Variants in CATSPERB observed in about 807,000 individuals in gnomAD.
CATSPERB encodes cation channel sperm-associated auxiliary subunit beta.
A neutral mutation model predicts 128.3 loss-of-function variants in CATSPERB; 93 were observed. The ratio of observed to expected loss-of-function variants is 0.72; its 90% CI spans 0.61 to 0.86. CATSPERB has a LOEUF of 0.86. Among genes scored for constraint, CATSPERB ranks in the 40% least tolerant of loss-of-function variants. CATSPERB has a pLI of 0.00. For synonymous variants in CATSPERB, 381 were observed against 448.8 expected (o/e 0.85, Z 1.91); for missense variants, 1,153 against 1,329.5 (o/e 0.87, Z 2.06).
At chr14:91,624,745 A>T (rs1264254555) in intron 18 of CATSPERB, 75 bp downstream of exon 18, 1 of 1,128,954 alleles carries the variant, frequency 8.9e-7, no homozygotes, top group Non-Finnish European at 1.2e-6. Context: ...ATAAATAAGC[A>T]TTAAAATGCC....
intron 22 of CATSPERB, among the ~76,000 whole-genome samples, chr14:91,594,354 C>T (rs771000716): frequency 2.2e-4 from 33 of 151,958 alleles, no homozygotes; most frequent in Non-Finnish European, 3.8e-4. Context: ...GGAGGGATAG[C>T]ATTAGGAGAT....
intron 19 of CATSPERB, among the ~76,000 whole-genome samples, chr14:91,618,113 T>C (rs1312288181): frequency 6.6e-6 from 1 of 152,206 alleles, no homozygotes; most frequent in Non-Finnish European, 1.5e-5. Flanking sequence ...GGATTATTCA[T>C]GCCTCCCCTT....
chr14:91,667,176 T>C (rs753057632), intron 14 of CATSPERB, among the ~76,000 whole-genome samples: 1 of 152,240 alleles, frequency 6.6e-6, no homozygotes, highest in Non-Finnish European at 1.5e-5. Context: ...CATGCTGCAA[T>C]ATGGAAAGAA....
At chr14:91,639,842 C>T (rs1039929056) in intron 15 of CATSPERB, among the ~76,000 whole-genome samples, 3 of 152,112 alleles carry the variant, frequency 2.0e-5, no homozygotes, top group African/African-American at 7.2e-5. Context: ...ATGAAAAAGA[C>T]TAATTTCTGC....
At position 91,610,606 on chromosome 14, in the gene CATSPERB, T is replaced by A; in HGVS notation, c.2472A>T (p.Thr824=). ...TGAGATAACTACAGCTGCTTTTCAG[T>A]GTTGGCACCATTGTCGTAACAAAGC... The part of the protein sequence containing the change: ...TECFVTTMVP[T]LKSSCSYLRS... Residue 824 remains threonine, a synonymous_variant, in exon 21 of 27, where the codon ACA becomes ACT. Coordinates refer to ENST00000256343, the MANE Select transcript of CATSPERB (RefSeq NM_024764.4). The A allele has an allele frequency of 6.2e-7, 1 of 1,613,220 alleles. No homozygotes were observed.
Position 91,589,589 on chromosome 14 carries a change from T to C in CATSPERB, c.2901A>G (p.Gln967=). The C allele has an allele frequency of 3.7e-6, 6 of 1,613,996 alleles. No individual in the cohort carries two copies. Among genetic ancestry groups the C allele is most frequent in the Non-Finnish European group, 5.1e-6 (6 of 1,179,886 alleles). Residue 967 remains glutamine (Q), a synonymous_variant, in exon 24 of 27, where the codon CAA becomes CAG. Transcript: ENST00000256343. ...IINEDGRVPL[Q]SPYLVTVTEV... is the part of the protein sequence containing the mutation. ...CAGTCACAGTAACCAGATATGGAGA[T>C]TGCAATGGGACACGTCCATCCTCGT...
At chr14:91,593,964 C>A (rs375336279) in intron 22 of CATSPERB, among the ~76,000 whole-genome samples, 1 of 152,202 alleles carries the variant, frequency 6.6e-6, no homozygotes, top group East Asian at 1.9e-4. Context: ...CTCACAAGAT[C>A]TGATGGGCTT....
chr14:91,687,600 C>T (rs1472784855), intron 10 of CATSPERB, among the ~76,000 whole-genome samples: 1 of 152,116 alleles, frequency 6.6e-6, no homozygotes, highest in African/African-American at 2.4e-5. Context: ...CTGTATAAGC[C>T]ACCCAGTCTA....
Position 91,708,131 on chromosome 14 carries a change from T to C in CATSPERB, c.466+10A>G, listed in dbSNP as rs750276223. ...TGAATTCCATTTTACTTCTGTCTGTTGGCATTTACCTCGAATAACATCCAA... is the reference window on the plus strand; with the variant it reads ...TGAATTCCATTTTACTTCTGTCTGTCGGCATTTACCTCGAATAACATCCAA... On this transcript the variant is annotated intron_variant, in intron 6 of 26. Coordinates refer to ENST00000256343, the MANE Select transcript of CATSPERB (RefSeq NM_024764.4). 1.8e-5 allele frequency: 28 copies of C among 1,579,048 alleles called. No homozygotes were observed. The highest frequency in any genetic ancestry group is 2.3e-5 in the Non-Finnish European group (27 of 1,149,332).
At chr14:91,673,951 G>T (rs1421710632) in intron 12 of CATSPERB, among the ~76,000 whole-genome samples, 1 of 152,008 alleles carries the variant, frequency 6.6e-6, no homozygotes, top group African/African-American at 2.4e-5. Context: ...ACATTGCAAT[G>T]CATGTCTTTC....
chr14:91,724,192 G>T (rs1896082240), intron 3 of CATSPERB, among the ~76,000 whole-genome samples: 1 of 151,978 alleles, frequency 6.6e-6, no homozygotes, highest in South Asian at 2.1e-4. Flanking sequence ...CAAAAAGTAG[G>T]TTATAATTCC....
At chr14:91,676,948 A>AG (rs1895201573) in intron 11 of CATSPERB, among the ~76,000 whole-genome samples, 2 of 152,204 alleles carry the variant, frequency 1.3e-5, no homozygotes, top group Admixed American at 1.3e-4. Flanking sequence ...TCTTCGAAAA[A>AG]CCTGAGAAAA....
At chr14:91,705,705 G>A (rs1348495368) in intron 6 of CATSPERB, among the ~76,000 whole-genome samples, 2 of 152,096 alleles carry the variant, frequency 1.3e-5, no homozygotes, top group Non-Finnish European at 2.9e-5. Context: ...AGCCTTCCAT[G>A]ACGCCCTAGA....
chr14:91,704,663 C>A lies in CATSPERB; in HGVS notation c.505G>T (p.Glu169Ter), dbSNP rs1258620460. 1 of 1,613,850 alleles carries A rather than the reference C, an allele frequency of 6.2e-7. No individual in the cohort carries two copies. Reference protein sequence around the residue: ...LQWTPGDVIPESEISKLYPHV... With the variant: ...LQWTPGDVIP ...GGATATAATTTACTGATTTCACTTTCTGGAATCACATCCCCAGGAGTCCAC... is the reference window on the plus strand; with the variant it reads ...GGATATAATTTACTGATTTCACTTTATGGAATCACATCCCCAGGAGTCCAC... The change falls in exon 7 of 27, where the codon GAA becomes TAA. Residue 169 changes from glutamate to a stop codon, truncating the protein, a stop_gained. Transcript: ENST00000256343. LOFTEE classifies it high-confidence loss of function.
At chr14:91,652,658 A>AAG (rs1176350324) in intron 15 of CATSPERB, among the ~76,000 whole-genome samples, 1 of 125,150 alleles carries the variant, frequency 8.0e-6, no homozygotes, top group Non-Finnish European at 1.6e-5. Flanking sequence ...GCAACAGAGC[A>AAG]AGACTCTGTC....
intron 15 of CATSPERB, 137 bp from the exon 16 acceptor site, chr14:91,639,387 T>C (rs1894447194): frequency 1.5e-6 from 1 of 685,596 alleles, no homozygotes; most frequent in South Asian, 2.0e-5. Flanking sequence ...ATTAGGAAAA[T>C]GCATGTTAGT....
At chr14:91,703,028 C>T (rs1482446891) in intron 7 of CATSPERB, among the ~76,000 whole-genome samples, 1 of 152,024 alleles carries the variant, frequency 6.6e-6, no homozygotes, top group African/African-American at 2.4e-5. Flanking sequence ...TTCTATCTCA[C>T]AGCCTTCTAG....
chr14:91,622,024 T>G (rs1894057906), intron 18 of CATSPERB, 87 bp from the exon 19 acceptor site: 1 of 839,856 alleles, frequency 1.2e-6, no homozygotes. Flanking sequence ...ACAAATACAC[T>G]GTTTGAGTTT....
chr14:91,663,644 CAAAAAAAAA>C (rs34498815), intron 14 of CATSPERB, among the ~76,000 whole-genome samples: 2 of 86,780 alleles, frequency 2.3e-5, no homozygotes, highest in Non-Finnish European at 4.3e-5. Flanking sequence ...GACTCCGTCT[CAAAAAAAAA>C]AAAAAAAAAA....
Sources: allele counts gnomAD v4.1 joint callset (sites outside exome capture counted in the v4.1 genomes callset), GRCh38; gene constraint gnomAD v4.1.1; transcripts MANE v1.5; gene names NCBI Gene and HGNC (gene_info 2026-07-23, HGNC 2026-07-21).